PRKN: variants seen among roughly 807,000 people sequenced by gnomAD.
PRKN encodes parkin RBR E3 ubiquitin protein ligase, also known as E3 ubiquitin-protein ligase parkin.
A neutral mutation model predicts 59.5 loss-of-function variants in PRKN; 56 were observed. The observed-to-expected ratio is 0.94, with a 90% confidence interval of 0.76 to 1.18. PRKN has a LOEUF of 1.18. PRKN is among the 50% of genes most tolerant of loss of function. The pLI is 0.00. For missense variants in PRKN, 657 were observed against 596.4 expected, an observed-to-expected ratio of 1.10 and a Z score of -1.06; for synonymous variants, 250 against 222.1, an observed-to-expected ratio of 1.13 and a Z score of -1.12.
At chr6:162,014,547 C>T (rs185921261) in intron 5 of PRKN, among the ~76,000 whole-genome samples, 4 of 152,262 alleles carry the variant, frequency 2.6e-5, no homozygotes, top group South Asian at 2.1e-4. Context: ...CACGCATGTC[C>T]GCACGGATCC....
At chr6:162,643,397 C>CAAAAAA (rs59995115) in intron 1 of PRKN, among the ~76,000 whole-genome samples, 7,432 of 82,064 alleles carry the variant, frequency 0.091, 1,237 homozygotes, top group African/African-American at 0.28. Flanking sequence ...GACTCTGCCT[C>CAAAAAA]AAAAAAAAAA....
At position 162,011,401 on chromosome 6, in the gene PRKN, A is replaced by AT. The variant is rs1369664737; in HGVS notation, c.619-37985_619-37984insA. Among the ~76,000 whole-genome samples, 110 of 13,112 alleles carry AT rather than the reference A, an allele frequency of 8.4e-3. 9 individuals are homozygous for AT. The African/African-American group carries it at 0.11, about 13-fold the overall frequency. The allele number at this position is 13,112 out of a possible 152,430, so 8.6% of individuals were successfully genotyped here. On this transcript the variant is annotated intron_variant, in intron 5 of 11. Transcript: ENST00000366898. ...TTATATATTTATAATATATATTATAAATATATAATATATTATATTTTATAA... is the reference window on the plus strand; with the variant it reads ...TTATATATTTATAATATATATTATAATATATATAATATATTATATTTTATAA...
At chr6:162,633,130 A>T (rs1230008298) in intron 1 of PRKN, among the ~76,000 whole-genome samples, 1 of 151,888 alleles carries the variant, frequency 6.6e-6, no homozygotes, top group Non-Finnish European at 1.5e-5. Context: ...TCACCAGGCT[A>T]AACCTTTAAA....
At chr6:161,787,361 C>T (rs964981627) in intron 6 of PRKN, among the ~76,000 whole-genome samples, 3 of 152,278 alleles carry the variant, frequency 2.0e-5, no homozygotes, top group African/African-American at 7.2e-5. Flanking sequence ...GCGGCTTCTC[C>T]TTTCCCCTCT....
intron 4 of PRKN, among the ~76,000 whole-genome samples, chr6:162,119,894 T>C (rs967580946): frequency 6.6e-6 from 1 of 152,198 alleles, no homozygotes; most frequent in Non-Finnish European, 1.5e-5. Flanking sequence ...TTGAACTTAA[T>C]TGTAATTCTG....
intron 2 of PRKN, among the ~76,000 whole-genome samples, chr6:162,375,404 TG>T (rs1786005943): frequency 6.7e-6 from 1 of 150,204 alleles, no homozygotes. Flanking sequence ...TATCAACTCC[TG>T]TTTTTTTTTT....
rs374550684 is a variant in PRKN at position 161,598,143 on chromosome 6, T to C, written c.872-28727A>G. On this transcript the variant is annotated intron_variant, in intron 7 of 11. Coordinates refer to ENST00000366898, the MANE Select transcript of PRKN (RefSeq NM_004562.3). ...CATGCAGCAGATGCTCAATAAAAGC[T>C]TCCTAATTGAATGAATAGATAAATT... Among the ~76,000 whole-genome samples, 5 of 152,350 alleles carry C rather than the reference T, an allele frequency of 3.3e-5. No individual in the cohort carries two copies. The South Asian group carries it at 8.3e-4, about 25-fold the overall frequency.
At chr6:162,066,040 T>C (rs976941275) in intron 4 of PRKN, among the ~76,000 whole-genome samples, 1 of 152,218 alleles carries the variant, frequency 6.6e-6, no homozygotes, top group Non-Finnish European at 1.5e-5. Flanking sequence ...TACGTGTGCA[T>C]GTGTCTTGAT....
intron 4 of PRKN, among the ~76,000 whole-genome samples, chr6:162,114,123 T>C (rs1328759232): frequency 6.6e-6 from 1 of 151,704 alleles, no homozygotes; most frequent in Non-Finnish European, 1.5e-5. Context: ...TGTAGCCTTG[T>C]AGTATAGTTT....
intron 4 of PRKN, among the ~76,000 whole-genome samples, chr6:162,108,215 T>A (rs1346460620): frequency 6.6e-6 from 1 of 152,148 alleles, no homozygotes; most frequent in African/African-American, 2.4e-5. Context: ...CACATGCCAA[T>A]GCCAAGCCAA....
chr6:161,916,670 T>C (rs1446148172), intron 6 of PRKN, among the ~76,000 whole-genome samples: 1 of 152,240 alleles, frequency 6.6e-6, no homozygotes, highest in East Asian at 1.9e-4. Context: ...TTTTAAAAAA[T>C]CCTTCAATTT....
At chr6:162,506,824 C>G (rs547725886) in intron 1 of PRKN, among the ~76,000 whole-genome samples, 2 of 152,226 alleles carry the variant, frequency 1.3e-5, no homozygotes, top group South Asian at 4.1e-4. Context: ...CCTTCATGCC[C>G]TTAAGCGCAT....
chr6:161,875,429 G>A (rs1562357470), intron 6 of PRKN, among the ~76,000 whole-genome samples: 1 of 151,780 alleles, frequency 6.6e-6, no homozygotes, highest in Non-Finnish European at 1.5e-5. Flanking sequence ...CTGACCCCAC[G>A]TTATCTGCCT....
intron 1 of PRKN, among the ~76,000 whole-genome samples, chr6:162,563,888 T>C (rs563161929): frequency 4.6e-5 from 7 of 152,156 alleles, no homozygotes; most frequent in African/African-American, 1.7e-4. Flanking sequence ...TACTGAAGAA[T>C]GTATCAGAGT....
chr6:162,348,369 G>A (rs1262317553), intron 2 of PRKN, among the ~76,000 whole-genome samples: 1 of 151,988 alleles, frequency 6.6e-6, no homozygotes, highest in Non-Finnish European at 1.5e-5. Flanking sequence ...ATCTGTAGAA[G>A]AGAAAAAAAC....
chr6:162,599,876 T>A (rs1562422998), intron 1 of PRKN, among the ~76,000 whole-genome samples: 1 of 152,186 alleles, frequency 6.6e-6, no homozygotes, highest in Non-Finnish European at 1.5e-5. Flanking sequence ...TTTCTAAAGG[T>A]GGAAATCCTA....
intron 1 of PRKN, among the ~76,000 whole-genome samples, chr6:162,621,431 T>A (rs1583924537): frequency 6.6e-6 from 1 of 152,190 alleles, no homozygotes; most frequent in Non-Finnish European, 1.5e-5. Flanking sequence ...GATAACGGCA[T>A]GTGAGTTCAC....
intron 2 of PRKN, among the ~76,000 whole-genome samples, chr6:162,352,313 T>C (rs199525716): frequency 6.6e-6 from 1 of 152,090 alleles, no homozygotes. Flanking sequence ...TTACGGCAGG[T>C]TGTCACAAAG....
At chr6:162,469,615 G>T (rs1456579948) in intron 1 of PRKN, among the ~76,000 whole-genome samples, 4 of 151,962 alleles carry the variant, frequency 2.6e-5, no homozygotes, top group Admixed American at 2.6e-4. Flanking sequence ...TCTTCTAAGT[G>T]AAGTAACTCA....
Sources: allele counts gnomAD v4.1 joint callset (sites outside exome capture counted in the v4.1 genomes callset), GRCh38; gene constraint gnomAD v4.1.1; transcripts MANE v1.5; gene names NCBI Gene and HGNC (gene_info 2026-07-23, HGNC 2026-07-21).